The following EMC8 variants were observed in gnomAD, a reference collection of about 807,000 sequenced individuals.
The protein encoded by EMC8 is ER membrane protein complex subunit 8.
In EMC8, 11 loss-of-function variants were observed where a neutral mutation model predicts 24.3. The observed-to-expected ratio is 0.45, with a 90% confidence interval of 0.28 to 0.75. The LOEUF (loss-of-function observed/expected upper bound fraction) is 0.75. Among genes scored for constraint, EMC8 ranks in the 30% least tolerant of loss-of-function variants. The pLI is 0.12. For missense variants in EMC8, 277 were observed against 282.7 expected (o/e 0.98, Z 0.14); for synonymous variants, 145 against 117.7 (o/e 1.23, Z -1.50).
At chr16:85,790,602 C>G (rs956071372) in intron 1 of EMC8, among the ~76,000 whole-genome samples, 3 of 152,294 alleles carry the variant, frequency 2.0e-5, no homozygotes, top group Non-Finnish European at 4.4e-5. Context: ...TAAATTTGGT[C>G]AAGTTCCCTG....
chr16:85,788,084 G>A (rs533985272), intron 2 of EMC8, among the ~76,000 whole-genome samples: 1 of 152,290 alleles, frequency 6.6e-6, no homozygotes, highest in South Asian at 2.1e-4. Context: ...GCAGCCTGAC[G>A]CATGCCCGTT....
rs140883290 is a variant in EMC8 at position 85,785,824 on chromosome 16, T to A, written c.308+3150A>T. On this transcript the variant is annotated intron_variant, in intron 2 of 4. Transcript: ENST00000253457. ...TCTGCTCACCCTCAACAGCACCATG[T>A]CGGGCCAGCGTGTAGGTGCCATCTT... Among the ~76,000 whole-genome samples, 644 of 152,250 alleles carry A rather than the reference T, an allele frequency of 4.2e-3. 3 individuals are homozygous for A. Among genetic ancestry groups the A allele is most frequent in the African/African-American group, 0.015 (621 of 41,560 alleles).
At chr16:85,796,172 A>T (rs1228597499) in intron 1 of EMC8, among the ~76,000 whole-genome samples, 2 of 152,026 alleles carry the variant, frequency 1.3e-5, no homozygotes, top group African/African-American at 4.8e-5. Flanking sequence ...TCATTTGAAC[A>T]TCTCAAACTT....
chr16:85,789,367 G>A (rs76892948), intron 1 of EMC8, among the ~76,000 whole-genome samples: 11,632 of 152,146 alleles, frequency 0.076, 607 homozygotes, highest in East Asian at 0.31. Context: ...ATAAAGAACT[G>A]GGGCTTTAGA....
chr16:85,779,905 G>C (rs1365968951), intron 4 of EMC8, 38 bp from the exon 5 acceptor site: 1 of 1,603,844 alleles, frequency 6.2e-7, no homozygotes, highest in South Asian at 1.1e-5. Context: ...ATCTAACAGT[G>C]AAAACGGGCG....
At chr16:85,798,951 T>G in intron 1 of EMC8, 114 bp downstream of exon 1, 1 of 706,278 alleles carries the variant, frequency 1.4e-6, no homozygotes, top group Non-Finnish European at 2.3e-6. Context: ...ACGGCAACCC[T>G]AGGGAGCGGG....
rs531052756 is a variant in EMC8 at position 85,796,489 on chromosome 16, C to T, written c.231+2576G>A. Among the ~76,000 whole-genome samples, 6 of 152,262 alleles carry T rather than the reference C, an allele frequency of 3.9e-5. No individual in the cohort carries two copies. In the South Asian group the frequency reaches 6.2e-4, roughly 16 times the overall value. ...TCTGCTGCAGGCTGGGGCCATCACT[C>T]GAAGGCACTGATCTGATCACGCAAC... is the stretch of plus-strand genomic sequence containing the variant. On this transcript the variant is annotated intron_variant, in intron 1 of 4. Coordinates refer to ENST00000253457, the MANE Select transcript of EMC8 (RefSeq NM_006067.5).
intron 2 of EMC8, among the ~76,000 whole-genome samples, chr16:85,786,114 C>T (rs1304956479): frequency 6.6e-6 from 1 of 152,186 alleles, no homozygotes; most frequent in African/African-American, 2.4e-5. Flanking sequence ...CAAGGACAAA[C>T]ACACTGCGCA....
chr16:85,779,519 C>A lies in EMC8; in HGVS notation c.*189G>T. 1.8e-6 allele frequency: 1 copy of A among 564,202 alleles called. No homozygotes were observed. Among genetic ancestry groups the A allele is most frequent in the South Asian group, 2.0e-5 (1 of 48,888 alleles). The allele number at this position is 564,202 out of a possible 1,614,324, so 34.9% of individuals were successfully genotyped here. On this transcript the variant is annotated 3_prime_UTR_variant, in exon 5 of 5. Coordinates refer to ENST00000253457, the MANE Select transcript of EMC8 (RefSeq NM_006067.5). ...CAGGGACAGTCAGACGGGATGTCTGCACCTCTTCTAGAGACTCTGTGTTAA... is the reference window on the plus strand; with the variant it reads ...CAGGGACAGTCAGACGGGATGTCTGAACCTCTTCTAGAGACTCTGTGTTAA...
chr16:85,795,066 C>A lies in EMC8; in HGVS notation c.231+3999G>T, dbSNP rs117059618. ...TTCCTGGGTTTAACTCTGTCAAGTA[C>A]TGCATTCATATCCCATAGTCGGAAC... On this transcript the variant is annotated intron_variant, in intron 1 of 4. Coordinates refer to ENST00000253457, the MANE Select transcript of EMC8 (RefSeq NM_006067.5). 3.3e-4 allele frequency among the ~76,000 whole-genome samples: 50 copies of A among 152,216 alleles called. No individual in the cohort carries two copies. The East Asian group carries it at 9.3e-3, about 28-fold the overall frequency.
chr16:85,786,663 A>G (rs757349958), intron 2 of EMC8, among the ~76,000 whole-genome samples: 1 of 152,202 alleles, frequency 6.6e-6, no homozygotes, highest in Non-Finnish European at 1.5e-5. Flanking sequence ...TGCATTTAAA[A>G]GTCAGTATTA....
At chr16:85,780,339 G>T (rs1238012696) in intron 4 of EMC8, 40 bp downstream of exon 4, 12 of 1,516,790 alleles carry the variant, frequency 7.9e-6, no homozygotes, top group South Asian at 1.1e-5. Flanking sequence ...GCCGGGCGCT[G>T]AAGGAGCCCA....
chr16:85,795,714 T>C (rs530475074), intron 1 of EMC8, among the ~76,000 whole-genome samples: 2 of 152,274 alleles, frequency 1.3e-5, no homozygotes, highest in African/African-American at 4.8e-5. Flanking sequence ...AATAAACCCA[T>C]AAACATAAGG....
At chr16:85,780,767 T>C in intron 3 of EMC8, 1 of 498,570 alleles carries the variant, frequency 2.0e-6, no homozygotes, top group East Asian at 3.6e-5. Flanking sequence ...AGGCCCTTGA[T>C]GTCATCTGCT....
At chr16:85,794,105 A>G (rs1329449153) in intron 1 of EMC8, among the ~76,000 whole-genome samples, 1 of 152,258 alleles carries the variant, frequency 6.6e-6, no homozygotes, top group East Asian at 1.9e-4. Context: ...CCTCATTTAC[A>G]CAGCTGCATG....
At chr16:85,788,708 A>C (rs973004308) in intron 2 of EMC8, among the ~76,000 whole-genome samples, 3 of 152,268 alleles carry the variant, frequency 2.0e-5, no homozygotes, top group South Asian at 2.1e-4. Flanking sequence ...AGAAGTCGGA[A>C]GCCAACTGTC....
Position 85,799,392 on chromosome 16 carries a change from G to T in EMC8, c.-97C>A. 1.3e-6 allele frequency: 1 copy of T among 747,324 alleles called. No individual in the cohort carries two copies. Among genetic ancestry groups the T allele is most frequent in the Non-Finnish European group, 1.9e-6 (1 of 516,948 alleles). 46.3% of individuals were successfully genotyped at this position (747,324 alleles called of 1,614,324 possible). On this transcript the variant is annotated 5_prime_UTR_variant, in exon 1 of 5. Transcript: ENST00000253457. The surrounding 1 kb of genome is among the most constrained non-coding windows in gnomAD (Gnocchi z 4.2). ...CGCCTCAGCCGAGAAGCGGGACGAGGCGGCGGCGATTGATGGCGCGGCCGC... is the reference window on the plus strand; with the variant it reads ...CGCCTCAGCCGAGAAGCGGGACGAGTCGGCGGCGATTGATGGCGCGGCCGC...
At position 85,789,107 on chromosome 16, in the gene EMC8, C is replaced by T. The variant is rs2233452; in HGVS notation, c.232-57G>A. On this transcript the variant is annotated intron_variant, in intron 1 of 4. Coordinates refer to ENST00000253457, the MANE Select transcript of EMC8 (RefSeq NM_006067.5). ...AATGACTCTCCCTTAAATATCAAGT[C>T]GTAAAAACCACAGATCTCACTGCCA... The T allele has an allele frequency of 2.8e-3, 3,196 of 1,145,736 alleles. 17 individuals carry two copies. Among genetic ancestry groups the T allele is most frequent in the Non-Finnish European group, 3.3e-3 (2,511 of 753,586 alleles). The allele number at this position is 1,145,736 out of a possible 1,614,324, so 71.0% of individuals were successfully genotyped here. A position where few individuals can be genotyped will look rare whatever the true frequency, so the allele number is the denominator to read the frequency against.
At chr16:85,789,580 T>C (rs1904909571) in intron 1 of EMC8, among the ~76,000 whole-genome samples, 1 of 151,756 alleles carries the variant, frequency 6.6e-6, no homozygotes, top group African/African-American at 2.4e-5. Context: ...TCACCTGAGG[T>C]CAAGAGTTCG....
Sources: gnomAD v4.1 joint callset for allele counts (sites outside exome capture counted in the v4.1 genomes callset) on GRCh38, gnomAD v4.1.1 for gene constraint, Gnocchi (gnomAD v3.1) non-coding constraint, MANE v1.5 for transcripts, NCBI Gene and HGNC (gene_info 2026-07-23, HGNC 2026-07-21) for gene names.